Variants in RASGRF1 observed in about 807,000 individuals in gnomAD.
The protein encoded by RASGRF1 is ras-specific guanine nucleotide-releasing factor 1.
RASGRF1 carries 40 observed loss-of-function variants against 138.7 expected under a neutral mutation model. The observed-to-expected ratio is 0.29, with a 90% CI of 0.22 to 0.38. The LOEUF (loss-of-function observed/expected upper bound fraction) is 0.38. Ranked by LOEUF, RASGRF1 falls within the 10% of genes least tolerant of loss-of-function variation. The pLI is 1.00. For synonymous variants in RASGRF1, 614 were observed against 663.2 expected, an observed-to-expected ratio of 0.93 and a Z score of 1.14; for missense variants, 1,108 against 1,650.4, an observed-to-expected ratio of 0.67 and a Z score of 5.69.
rs116230316 is a variant in RASGRF1, at chr15:79,078,091, T to C, written c.276+12132A>G. On this transcript the variant is annotated intron_variant, in intron 1 of 26. Coordinates refer to ENST00000558480, the MANE Select transcript of RASGRF1 (RefSeq NM_001145648.3). ...TGCTGTGCTTCTGCCACATGCTGCG[T>C]GATATCCCAGTGCAGGGAGTGGCTG... 1.8e-3 allele frequency among the ~76,000 whole-genome samples: 274 copies of C among 151,760 alleles called. 2 individuals carry two copies. The highest frequency in any genetic ancestry group is 6.3e-3 in the African/African-American group (263 of 41,504).
intron 12 of RASGRF1, among the ~76,000 whole-genome samples, chr15:79,016,679 G>A (rs1395646881): frequency 6.6e-6 from 1 of 152,194 alleles, no homozygotes; most frequent in African/African-American, 2.4e-5. Flanking sequence ...CATGTGGGAA[G>A]ACTCAGAACA....
At chr15:79,030,312 T>C (rs1274915606) in intron 8 of RASGRF1, among the ~76,000 whole-genome samples, 1 of 152,146 alleles carries the variant, frequency 6.6e-6, no homozygotes, top group Admixed American at 6.5e-5. Flanking sequence ...ACCTTCTTTG[T>C]AGCCCTTGGC....
chr15:79,039,969 A>T (rs975131464), intron 5 of RASGRF1, among the ~76,000 whole-genome samples: 1 of 152,062 alleles, frequency 6.6e-6, no homozygotes, highest in Non-Finnish European at 1.5e-5. Flanking sequence ...GGATCTCCCT[A>T]TGTTGCCCGG....
intron 20 of RASGRF1, 49 bp downstream of exon 20, chr15:78,995,691 G>C: frequency 1.9e-6 from 3 of 1,603,016 alleles, no homozygotes; most frequent in East Asian, 2.2e-5. Context: ...TCCTGGGCAG[G>C]AGGATGGGGA....
chr15:79,035,525 G>A (rs2057207697), intron 5 of RASGRF1, among the ~76,000 whole-genome samples: 1 of 152,232 alleles, frequency 6.6e-6, no homozygotes, highest in Admixed American at 6.5e-5. Flanking sequence ...AGCTGCTCTG[G>A]CCAGTGGCCT....
intron 13 of RASGRF1, chr15:79,012,521 G>T: frequency 6.2e-7 from 1 of 1,613,610 alleles, no homozygotes; most frequent in Non-Finnish European, 8.5e-7. Flanking sequence ...TCCCCTCCCT[G>T]GTCCTCCTGT....
At chr15:79,030,314 G>T (rs1398677282) in intron 8 of RASGRF1, among the ~76,000 whole-genome samples, 2 of 152,130 alleles carry the variant, frequency 1.3e-5, no homozygotes, top group Admixed American at 1.3e-4. Flanking sequence ...CTTCTTTGTA[G>T]CCCTTGGCAG....
At chr15:79,000,297 A>G (rs1224738695) in intron 16 of RASGRF1, among the ~76,000 whole-genome samples, 2 of 152,154 alleles carry the variant, frequency 1.3e-5, no homozygotes, top group African/African-American at 4.8e-5. Flanking sequence ...TTAACACATA[A>G]CCTGTCCAAT....
intron 10 of RASGRF1, among the ~76,000 whole-genome samples, chr15:79,020,435 T>C (rs1273077700): frequency 6.6e-6 from 1 of 152,216 alleles, no homozygotes; most frequent in Non-Finnish European, 1.5e-5. Flanking sequence ...AGGGCATCGC[T>C]TCATAGCCCT....
rs1372025932 is a variant in RASGRF1 at position 79,090,698 on chromosome 15, G to T, written c.-200C>A. 3 of 702,468 alleles carry T rather than the reference G, an allele frequency of 4.3e-6. No individual in the cohort carries two copies. Among genetic ancestry groups the T allele is most frequent in the Non-Finnish European group, 4.6e-6 (2 of 437,716 alleles). 43.5% of individuals were successfully genotyped at this position (702,468 alleles called of 1,614,324 possible). A position where few individuals can be genotyped will look rare whatever the true frequency, so the allele number is the denominator to read the frequency against. ...AATCCAGATATACCATTCCCCGCTG[G>T]AACCTCTTCTCCGCTCCGCAGAGCC... On this transcript the variant is annotated 5_prime_UTR_variant, in exon 1 of 27. Transcript: ENST00000558480.
At chr15:78,990,026 A>C in intron 22 of RASGRF1, 163 bp downstream of exon 22, 1 of 659,046 alleles carries the variant, frequency 1.5e-6, no homozygotes, top group South Asian at 1.7e-5. Flanking sequence ...ACTGAGACTG[A>C]GGTGAGGCAA....
chr15:79,010,224 G>A (rs186945793), intron 13 of RASGRF1, among the ~76,000 whole-genome samples: 14 of 152,122 alleles, frequency 9.2e-5, no homozygotes, highest in Admixed American at 9.2e-4. Flanking sequence ...TTTTAGTAGA[G>A]ATGGGGTTTC....
intron 13 of RASGRF1, among the ~76,000 whole-genome samples, chr15:79,007,545 G>GTTTTTTTTTTTTT (rs5813951): frequency 9.2e-6 from 1 of 108,982 alleles, no homozygotes. Flanking sequence ...GCCGTATCTA[G>GTTTTTTTTTTTTT]TTTTTTTTTT....
At chr15:78,992,999 C>T (rs1302103423) in intron 20 of RASGRF1, among the ~76,000 whole-genome samples, 1 of 147,740 alleles carries the variant, frequency 6.8e-6, no homozygotes, top group Non-Finnish European at 1.5e-5. Context: ...GAAAAACAGC[C>T]TCTGTGTGTG....
chr15:78,990,438 G>A (rs1258336034), intron 21 of RASGRF1, among the ~76,000 whole-genome samples, 165 bp from the exon 22 acceptor site: 3 of 152,158 alleles, frequency 2.0e-5, no homozygotes, highest in African/African-American at 7.2e-5. Flanking sequence ...CTCAAGTCCA[G>A]CTCTGCCTTG....
At chr15:78,971,793 G>C (rs369594721) in intron 26 of RASGRF1, 73 bp downstream of exon 26, 32 of 1,357,460 alleles carry the variant, frequency 2.4e-5, no homozygotes, top group Non-Finnish European at 2.1e-6. Flanking sequence ...GGTATGGAGG[G>C]GACAGGGTGG....
intron 24 of RASGRF1, chr15:78,978,606 T>C: frequency 1.0e-6 from 1 of 994,062 alleles, no homozygotes; most frequent in Non-Finnish European, 1.2e-6. Context: ...GTGAGGCCCA[T>C]AGCAGGACTC....
intron 1 of RASGRF1, among the ~76,000 whole-genome samples, chr15:79,077,874 G>A (rs1051578237): frequency 5.1e-5 from 7 of 138,028 alleles, no homozygotes; most frequent in Non-Finnish European, 1.1e-4. Context: ...CTGCTGCCTG[G>A]GCCTCTGCTC....
chr15:79,036,776 T>G (rs1332698887), intron 5 of RASGRF1, among the ~76,000 whole-genome samples: 4 of 147,598 alleles, frequency 2.7e-5, no homozygotes, highest in African/African-American at 5.0e-5. Context: ...GAGAAAGGGG[T>G]GAGGGAGATA....
Sources: gnomAD v4.1 joint callset for allele counts (sites outside exome capture counted in the v4.1 genomes callset) on GRCh38, gnomAD v4.1.1 for gene constraint, MANE v1.5 for transcripts, NCBI Gene and HGNC (gene_info 2026-07-23, HGNC 2026-07-21) for gene names.